Variants in MIB2 observed in about 807,000 individuals in gnomAD.
The protein encoded by MIB2 is MIB E3 ubiquitin protein ligase 2, also known as E3 ubiquitin-protein ligase MIB2.
Under a neutral mutation model 96.6 loss-of-function variants are expected in MIB2, and 78 were observed. The ratio of observed to expected loss-of-function variants is 0.81; its 90% CI spans 0.67 to 0.97. MIB2 has a LOEUF of 0.97. Among genes scored for constraint, MIB2 ranks in the 50% least tolerant of loss-of-function variants. MIB2 has a pLI of 0.00. For synonymous variants in MIB2, 820 were observed against 629.5 expected (o/e 1.30, Z -4.53); for missense variants, 1,543 against 1,424.0 (o/e 1.08, Z -1.35).
intron 17 of MIB2, 28 bp from the exon 18 acceptor site, chr1:1,629,357 C>T (rs1158278120): frequency 1.4e-6 from 2 of 1,438,164 alleles, no homozygotes; most frequent in East Asian, 2.8e-5. Context: ...CCTCCGGGCC[C>T]CTCTCAAGCC....
intron 2 of MIB2, among the ~76,000 whole-genome samples, chr1:1,622,274 C>T (rs549244832): frequency 1.3e-5 from 2 of 152,376 alleles, no homozygotes; most frequent in East Asian, 3.9e-4. Flanking sequence ...CCCTCCCCGC[C>T]AGGCTGGAGT....
In MIB2 at chr1:1,629,402, G is replaced by A; in HGVS notation, c.2399G>A (p.Gly800Glu). The change falls in exon 18 of 20, where the codon GGG (glycine) becomes GAG (glutamate). Residue 800 changes from glycine (G) to glutamate (E), a missense_variant. Gly to Glu is a moderately conservative substitution (Grantham distance 98, BLOSUM62 -2). Coordinates refer to ENST00000355826, the MANE Select transcript of MIB2 (RefSeq NM_001170687.4). ...AQRFRERQAG[G>E]GAAPGPRQTL... ...CCCTGCAGGGAGCGGCAGGCGGGCG[G>A]GGGCGCGGCCCCGGGCCCCAGGCAA... is the stretch of plus-strand genomic sequence containing the variant. 6.9e-7 allele frequency: 1 copy of A among 1,447,454 alleles called. No individual in the cohort carries two copies. The allele number at this position is 1,447,454 out of a possible 1,614,324, so 89.7% of individuals were successfully genotyped here. A position where few individuals can be genotyped will look rare whatever the true frequency, so the allele number is the denominator to read the frequency against.
At chr1:1,616,660 C>T (rs1258092250) in intron 2 of MIB2, 46 bp downstream of exon 2, 1 of 1,481,836 alleles carries the variant, frequency 6.7e-7, no homozygotes, top group Non-Finnish European at 9.1e-7. Context: ...ACTTGGCTCT[C>T]CCACTTTGGG....
At position 1,620,849 on chromosome 1, in the gene MIB2, C is replaced by T. The variant is rs545702330; in HGVS notation, c.-22-2582C>T. On this transcript the variant is annotated intron_variant, in intron 2 of 19. Transcript: ENST00000355826. ...TGCTGGGGCAGGAGGGAGTGACCTC[C>T]CTCCAAGACAGCCCCCAGTGGGGAT... Among the ~76,000 whole-genome samples the T allele has an allele frequency of 2.4e-4, 37 of 152,360 alleles. 1 individual carries two copies. The highest frequency in any genetic ancestry group is 8.2e-4 in the African/African-American group (34 of 41,596).
intron 19 of MIB2, 140 bp from the exon 20 acceptor site, chr1:1,630,152 C>T: frequency 2.0e-6 from 1 of 495,774 alleles, no homozygotes; most frequent in East Asian, 4.2e-5. Flanking sequence ...GCCTCCAAAT[C>T]ACCCACCCCG....
At chr1:1,615,290 C>T (rs1643482168), upstream of MIB2, 3 of 1,330,748 alleles carry the variant, frequency 2.3e-6, no homozygotes, top group Non-Finnish European at 2.9e-6. Context: ...CGCTCCCAAG[C>T]CCCCGTCTCT....
At position 1,628,116 on chromosome 1, in the gene MIB2, T is replaced by A. The variant is rs1170000573; in HGVS notation, c.1778T>A (p.Val593Asp). ...EVLTEVPNIDVTATNSQGFTL... is the reference protein window; with the variant it reads ...EVLTEVPNIDDTATNSQGFTL... ...CTCACGGAGGTGCCAAACATCGATGTTACCGCCACCAACAGCCAGGGTTTC... is the reference window on the plus strand; with the variant it reads ...CTCACGGAGGTGCCAAACATCGATGATACCGCCACCAACAGCCAGGGTTTC... The change falls in exon 14 of 20, where the codon GTT (valine) becomes GAT (aspartate). Residue 593 changes from valine to aspartate, a missense_variant. Val to Asp is a radical substitution (Grantham distance 152). Coordinates refer to ENST00000355826, the MANE Select transcript of MIB2 (RefSeq NM_001170687.4). 6.2e-7 allele frequency: 1 copy of A among 1,613,218 alleles called. No homozygotes were observed. The highest frequency in any genetic ancestry group is 1.3e-5 in the African/African-American group (1 of 74,932).
In MIB2 at chr1:1,629,137, A is replaced by G; in HGVS notation, c.2207A>G (p.Gln736Arg). 6.7e-7 allele frequency: 1 copy of G among 1,487,518 alleles called. No individual in the cohort carries two copies. The highest frequency in any genetic ancestry group is 1.3e-5 in the South Asian group (1 of 78,612). 92.1% of individuals were successfully genotyped at this position (1,487,518 alleles called of 1,614,324 possible). A position where few individuals can be genotyped will look rare whatever the true frequency, so the allele number is the denominator to read the frequency against. ...PGPLQLLSRL[Q>R]ASGLPGSAEL... ...GGCGTCTGTCCTGCCGCCCAGCTAC[A>G]GGCCTCGGGCCTCCCCGGCAGCGCG... Residue 736 changes from glutamine (Q) to arginine (R), a missense_variant, in exon 17 of 20, where the codon CAG (glutamine) becomes CGG (arginine). Transcript: ENST00000355826.
At chr1:1,616,983 G>C (rs1427096567) in intron 2 of MIB2, 1 of 239,990 alleles carries the variant, frequency 4.2e-6, no homozygotes, top group Non-Finnish European at 8.3e-6. Flanking sequence ...GGCGGTGAGT[G>C]GGATGACACC....
chr1:1,624,022 G>T, intron 4 of MIB2, 77 bp downstream of exon 4: 1 of 1,482,312 alleles, frequency 6.7e-7, no homozygotes, highest in East Asian at 2.4e-5. Context: ...TTCGGGGAGG[G>T]TGCTGCCTCC....
In MIB2 at chr1:1,626,650, C is replaced by T. The variant is rs756666690; in HGVS notation, c.973C>T (p.His325Tyr). ...WTFHPGALTK[H>Y]HSFWVGDVVR... ...CCTCACGCCCCTCTTTGTCGCTCAG[C>T]ACCACTCCTTCTGGGTGGGCGACGT... is the stretch of plus-strand genomic sequence containing the variant. Residue 325 changes from histidine to tyrosine, a missense_variant and splice_region_variant, in exon 9 of 20, where the codon CAC (histidine) becomes TAC (tyrosine). Coordinates refer to ENST00000355826, the MANE Select transcript of MIB2 (RefSeq NM_001170687.4). This position sits in a 1 kb window ranked among gnomAD's most constrained non-coding sequence, Gnocchi z 5.3. 74 of 1,566,098 alleles carry T rather than the reference C, an allele frequency of 4.7e-5. No homozygotes were observed. The highest frequency in any genetic ancestry group is 1.4e-5 in the African/African-American group (1 of 73,438).
chr1:1,627,230 C>G (rs748247059), intron 11 of MIB2, 23 bp downstream of exon 11: 2 of 1,611,606 alleles, frequency 1.2e-6, no homozygotes, highest in East Asian at 4.5e-5. Flanking sequence ...CCCCGTCCTC[C>G]CATACTGGCC....
intron 1 of MIB2, 25 bp downstream of exon 1, chr1:1,615,658 C>G: frequency 6.4e-7 from 1 of 1,561,346 alleles, no homozygotes; most frequent in Non-Finnish European, 8.6e-7. Flanking sequence ...GGATCTCCTC[C>G]CCTGGTCCTC....
intron 1 of MIB2, 126 bp downstream of exon 1, chr1:1,615,759 C>T (rs1233393304): frequency 1.4e-6 from 2 of 1,438,052 alleles, no homozygotes; most frequent in Non-Finnish European, 9.1e-7. Flanking sequence ...GGGCTGGACT[C>T]GGCGTAGGGT....
At chr1:1,629,771 C>T in intron 19 of MIB2, 67 bp downstream of exon 19, 7 of 1,455,820 alleles carry the variant, frequency 4.8e-6, no homozygotes, top group Non-Finnish European at 3.7e-6. Context: ...CCCCGTCCCC[C>T]ACCCCTTCCC....
Position 1,621,376 on chromosome 1 carries a change from G to C in MIB2, c.-22-2055G>C, listed in dbSNP as rs1362331951. 2.0e-5 allele frequency among the ~76,000 whole-genome samples: 3 copies of C among 152,384 alleles called. No homozygotes were observed. In the South Asian group the frequency reaches 6.2e-4, roughly 32 times the overall value. On this transcript the variant is annotated intron_variant, in intron 2 of 19. Transcript: ENST00000355826. ...GGAGGCCGTGGGGAGGGCAGAGCCAGCTGCCTTCCCTGATGGCTGTGGAGC... is the reference window on the plus strand; with the variant it reads ...GGAGGCCGTGGGGAGGGCAGAGCCACCTGCCTTCCCTGATGGCTGTGGAGC...
intron 2 of MIB2, among the ~76,000 whole-genome samples, chr1:1,619,982 GCACTC>G (rs1275920395): frequency 6.6e-6 from 1 of 152,216 alleles, no homozygotes; most frequent in African/African-American, 2.4e-5. Context: ...GATGGCCTTG[GCACTC>G]CACCCCACTG....
Position 1,623,694 on chromosome 1 carries a change from A to G in MIB2, c.242A>G (p.Gln81Arg). The G allele has an allele frequency of 6.6e-7, 1 of 1,512,258 alleles. No homozygotes were observed. The highest frequency in any genetic ancestry group is 1.3e-5 in the South Asian group (1 of 77,768). The allele number at this position is 1,512,258 out of a possible 1,614,324, so 93.7% of individuals were successfully genotyped here. Residue 81 changes from glutamine to arginine, a missense_variant, in exon 3 of 20, where the codon CAG (glutamine) becomes CGG (arginine). Physicochemically the swap from Gln to Arg is conservative, Grantham distance 43. Coordinates refer to ENST00000355826, the MANE Select transcript of MIB2 (RefSeq NM_001170687.4). ...AHDLLLYDNA[Q>R]IGVRHPNIIC... ...GACCTGCTGCTGTACGACAACGCCCAGATCGGTGCGCGCCAAGGGCAGGCG... is the reference window on the plus strand; with the variant it reads ...GACCTGCTGCTGTACGACAACGCCCGGATCGGTGCGCGCCAAGGGCAGGCG...
Position 1,628,481 on chromosome 1 carries a change from C to T in MIB2, c.1969-8C>T, listed in dbSNP as rs368405737. On this transcript the variant is annotated splice_region_variant and splice_polypyrimidine_tract_variant and intron_variant, in intron 15 of 19. Transcript: ENST00000355826. ...CCCTGGGCTGAGCCCGTCCCCACCC[C>T]TCCCCAGGGCCGCTGTGACGTGAAC... 6.3e-6 allele frequency: 10 copies of T among 1,595,672 alleles called. No individual in the cohort carries two copies. In the Admixed American group the frequency reaches 1.0e-4, roughly 16 times the overall value.
Sources: allele counts gnomAD v4.1 joint callset (sites outside exome capture counted in the v4.1 genomes callset), GRCh38; gene constraint gnomAD v4.1.1; non-coding constraint Gnocchi (gnomAD v3.1); transcripts MANE v1.5; gene names NCBI Gene and HGNC (gene_info 2026-07-23, HGNC 2026-07-21).